FARP1: variants seen among roughly 807,000 people sequenced by gnomAD.
The protein encoded by FARP1 is FERM, ARH/RhoGEF and pleckstrin domain protein 1.
A neutral mutation model predicts 128.8 loss-of-function variants in FARP1; 52 were observed. That is an observed-to-expected ratio of 0.40 (90% confidence interval 0.32 to 0.51). The LOEUF is 0.51. Ranked by LOEUF, FARP1 falls within the 20% of genes least tolerant of loss-of-function variation. The pLI is 0.45. For synonymous variants in FARP1, 580 were observed against 551.8 expected (o/e 1.05, Z -0.72); for missense variants, 1,333 against 1,367.9 (o/e 0.97, Z 0.40).
At chr13:98,444,410 G>A (rs560848370) in intron 24 of FARP1, among the ~76,000 whole-genome samples, 13 of 152,256 alleles carry the variant, frequency 8.5e-5, no homozygotes, top group African/African-American at 2.9e-4. Context: ...GAAGGGCCAC[G>A]AGGAGACAGG....
intron 26 of FARP1, chr13:98,447,724 C>T (rs1892938838): frequency 6.4e-6 from 1 of 156,944 alleles, no homozygotes; most frequent in African/African-American, 2.4e-5. Context: ...TGGTGCAAGC[C>T]TGTAGTCCCA....
chr13:98,439,254 G>C, intron 21 of FARP1, 58 bp downstream of exon 21: 1 of 1,202,500 alleles, frequency 8.3e-7, no homozygotes, highest in East Asian at 2.4e-5. Context: ...AGGTGCGGGC[G>C]CTGCTGACCC....
chr13:98,394,775 A>G (rs1890450253), intron 12 of FARP1, among the ~76,000 whole-genome samples: 1 of 152,140 alleles, frequency 6.6e-6, no homozygotes, highest in African/African-American at 2.4e-5. Flanking sequence ...TCTCTACAAA[A>G]AAAATTTTTT....
At chr13:98,253,231 T>C (rs1412987162) in intron 2 of FARP1, among the ~76,000 whole-genome samples, 1 of 152,232 alleles carries the variant, frequency 6.6e-6, no homozygotes, top group African/African-American at 2.4e-5. Flanking sequence ...TGTTAAATGC[T>C]TGTTGGCAAG....
chr13:98,234,508 T>G (rs1882310395), intron 2 of FARP1: 1 of 152,212 alleles, frequency 6.6e-6, no homozygotes, highest in Admixed American at 6.5e-5. Context: ...AATACTTGTC[T>G]AAACACCTGG....
At chr13:98,253,936 G>A (rs1279867212) in intron 2 of FARP1, among the ~76,000 whole-genome samples, 1 of 152,160 alleles carries the variant, frequency 6.6e-6, no homozygotes, top group African/African-American at 2.4e-5. Context: ...GTGGGGTTTG[G>A]AACAAACTGA....
chr13:98,227,193 T>C lies in FARP1; in HGVS notation c.171+13780T>C, dbSNP rs780544003. On this transcript the variant is annotated intron_variant, in intron 2 of 26. Transcript: ENST00000319562. ...TCCTGACCTCATGATCCGCCCGCCT[T>C]GGCCTCCCAAAGTGCTGGGATAGCA... Among the ~76,000 whole-genome samples the C allele has an allele frequency of 4.4e-4, 67 of 152,278 alleles. 1 individual carries two copies. Among genetic ancestry groups the C allele is most frequent in the Non-Finnish European group, 8.8e-4 (60 of 68,010 alleles).
chr13:98,396,576 A>G (rs1055019631), intron 13 of FARP1: 4 of 398,544 alleles, frequency 1.0e-5, no homozygotes, highest in African/African-American at 6.2e-5. Flanking sequence ...CTAGTGACTC[A>G]TTCATTTGTA....
At chr13:98,380,678 A>G (rs1232566971) in intron 6 of FARP1, among the ~76,000 whole-genome samples, 1 of 152,130 alleles carries the variant, frequency 6.6e-6, no homozygotes, top group Admixed American at 6.5e-5. Flanking sequence ...GAATCAGGCA[A>G]TCCTCCTGCC....
intron 2 of FARP1, chr13:98,333,209 C>G (rs1887586122): frequency 6.6e-6 from 1 of 151,964 alleles, no homozygotes; most frequent in Admixed American, 6.6e-5. Flanking sequence ...TATTCTCTGC[C>G]TAATAGATAT....
rs1159096744 is a variant in FARP1, at chr13:98,452,465, G to A, written c.*4148G>A. On this transcript the variant is annotated 3_prime_UTR_variant, in exon 27 of 27. Transcript: ENST00000319562. The stretch of plus-strand genomic sequence containing the variant: ...GTACCAAAAGGGGCGTAGGGCAAAC[G>A]GGGAAAATTTGCATTTGTTGAGGTA... 6 of 152,606 alleles carry A rather than the reference G, an allele frequency of 3.9e-5. No homozygotes were observed. The highest frequency in any genetic ancestry group is 1.9e-4 in the East Asian group (1 of 5,192). The allele number at this position is 152,606 out of a possible 1,614,324, so 9.5% of individuals were successfully genotyped here. A position where few individuals can be genotyped will look rare whatever the true frequency, so the allele number is the denominator to read the frequency against.
chr13:98,218,017 C>T (rs1387887660), intron 2 of FARP1, among the ~76,000 whole-genome samples: 1 of 152,172 alleles, frequency 6.6e-6, no homozygotes, highest in Admixed American at 6.5e-5. Context: ...AGACCCTCAA[C>T]TTACCCATCT....
Position 98,346,481 on chromosome 13 carries a change from A to T in FARP1, c.276+2615A>T, listed in dbSNP as rs191633650. On this transcript the variant is annotated intron_variant, in intron 3 of 26. Coordinates refer to ENST00000319562, the MANE Select transcript of FARP1 (RefSeq NM_005766.4). The stretch of plus-strand genomic sequence containing the variant: ...CTTTTGAGGCCGGGTGTGGTGGCTC[A>T]TGCCTGTAATCCCAGCACTTTGGGA... Among the ~76,000 whole-genome samples, 564 of 151,192 alleles carry T rather than the reference A, an allele frequency of 3.7e-3. 6 individuals carry two copies. Among genetic ancestry groups the T allele is most frequent in the African/African-American group, 0.013 (532 of 41,322 alleles).
intron 2 of FARP1, among the ~76,000 whole-genome samples, chr13:98,326,929 G>T (rs1349813814): frequency 6.6e-6 from 1 of 152,142 alleles, no homozygotes. Flanking sequence ...TTGTCCTTTG[G>T]TATTTTAATT....
At chr13:98,211,466 T>A (rs140323713) in intron 1 of FARP1, among the ~76,000 whole-genome samples, 12 of 152,322 alleles carry the variant, frequency 7.9e-5, no homozygotes, top group Middle Eastern at 3.4e-3. Context: ...AAAACTGTCT[T>A]CCACAAAACA....
At chr13:98,359,930 G>A (rs191457442) in intron 3 of FARP1, among the ~76,000 whole-genome samples, 1 of 152,162 alleles carries the variant, frequency 6.6e-6, no homozygotes, top group Non-Finnish European at 1.5e-5. Flanking sequence ...AGAAAACAGG[G>A]CGCCTGACTG....
At chr13:98,292,383 A>T (rs1476466501) in intron 2 of FARP1, among the ~76,000 whole-genome samples, 1 of 152,250 alleles carries the variant, frequency 6.6e-6, no homozygotes, top group Admixed American at 6.5e-5. Context: ...TACTTGGTAA[A>T]AATGAAATGT....
At chr13:98,263,654 A>C (rs1448870174) in intron 2 of FARP1, among the ~76,000 whole-genome samples, 3 of 152,246 alleles carry the variant, frequency 2.0e-5, no homozygotes, top group African/African-American at 7.2e-5. Flanking sequence ...TTCTAAGGAA[A>C]TAGGTAGATC....
Position 98,388,310 on chromosome 13 carries a change from T to A in FARP1, c.760-73T>A, listed in dbSNP as rs539716560. ...GCCAGCCCTCTTCCTTTAGCTCCCA[T>A]AAGCAAAACAGACCAACTCCCAAGT... On this transcript the variant is annotated intron_variant, in intron 8 of 26. Coordinates refer to ENST00000319562, the MANE Select transcript of FARP1 (RefSeq NM_005766.4). 3.3e-5 allele frequency: 38 copies of A among 1,144,216 alleles called. No homozygotes were observed. In the South Asian group the frequency reaches 4.6e-4, roughly 14 times the overall value. 70.9% of individuals were successfully genotyped at this position (1,144,216 alleles called of 1,614,324 possible).
Sources: allele counts gnomAD v4.1 joint callset (sites outside exome capture counted in the v4.1 genomes callset), GRCh38; gene constraint gnomAD v4.1.1; transcripts MANE v1.5; gene names NCBI Gene and HGNC (gene_info 2026-07-23, HGNC 2026-07-21).